The following STX8 variants were observed in gnomAD, a reference collection of about 807,000 sequenced individuals.
STX8 encodes syntaxin-8.
STX8 carries 23 observed loss-of-function variants against 37.5 expected under a neutral mutation model. The ratio of observed to expected loss-of-function variants is 0.61; its 90% CI spans 0.44 to 0.87. The LOEUF (loss-of-function observed/expected upper bound fraction) is 0.87. Among genes scored for constraint, STX8 ranks in the 40% least tolerant of loss-of-function variants. The probability of loss-of-function intolerance (pLI) is 0.00; values close to 1 mark genes in which losing one functional copy is unlikely to be tolerated. For synonymous variants in STX8, 115 were observed against 99.1 expected (o/e 1.16, Z -0.95); for missense variants, 313 against 284.7 (o/e 1.10, Z -0.71).
intron 7 of STX8, among the ~76,000 whole-genome samples, chr17:9,314,683 C>T (rs1489496960): frequency 1.3e-5 from 2 of 149,824 alleles, no homozygotes; most frequent in Non-Finnish European, 3.0e-5. Context: ...GCTGGGATTA[C>T]AGGCATGAGC....
chr17:9,307,359 T>C (rs1269276880), intron 7 of STX8, among the ~76,000 whole-genome samples: 1 of 152,160 alleles, frequency 6.6e-6, no homozygotes, highest in Non-Finnish European at 1.5e-5. Flanking sequence ...GGGGGAGGGC[T>C]GACCCCCACA....
At chr17:9,333,868 G>A (rs1452170438) in intron 7 of STX8, among the ~76,000 whole-genome samples, 1 of 152,108 alleles carries the variant, frequency 6.6e-6, no homozygotes, top group Non-Finnish European at 1.5e-5. Flanking sequence ...CTGCCCAGTG[G>A]GTTCACCTTA....
chr17:9,433,654 CCTTCT>C (rs1914051337), intron 6 of STX8, among the ~76,000 whole-genome samples: 1 of 151,788 alleles, frequency 6.6e-6, no homozygotes, highest in Admixed American at 6.6e-5. Flanking sequence ...AAATGTGGCC[CCTTCT>C]CTTAAGGAAT....
chr17:9,471,030 G>T (rs1186686607), intron 6 of STX8, among the ~76,000 whole-genome samples: 3 of 35,528 alleles, frequency 8.4e-5, no homozygotes, highest in Non-Finnish European at 1.2e-4. Context: ...ACTGCATCCT[G>T]CTTTTTTTTT....
chr17:9,544,715 G>A (rs774037918), intron 4 of STX8, among the ~76,000 whole-genome samples: 3 of 152,128 alleles, frequency 2.0e-5, no homozygotes, highest in Non-Finnish European at 4.4e-5. Context: ...AAAACTGGCC[G>A]GGCGCAGTGG....
intron 6 of STX8, among the ~76,000 whole-genome samples, chr17:9,446,140 TA>T (rs1213828894): frequency 1.3e-5 from 2 of 152,236 alleles, no homozygotes; most frequent in Middle Eastern, 3.4e-3. Context: ...GTGGCCTCCT[TA>T]AAAAATATTT....
chr17:9,358,142 C>T (rs10221216), intron 7 of STX8, among the ~76,000 whole-genome samples: 14,351 of 152,132 alleles, frequency 0.094, 778 homozygotes, highest in Non-Finnish European at 0.11. Flanking sequence ...CGTTTGAAAC[C>T]AGGAGTTCAA....
intron 7 of STX8, among the ~76,000 whole-genome samples, chr17:9,335,667 G>A (rs954117431): frequency 2.0e-5 from 3 of 151,972 alleles, no homozygotes; most frequent in Admixed American, 2.0e-4. Context: ...ACAGTAAATT[G>A]ATTATTTTTT....
At chr17:9,405,482 G>A (rs955505376) in intron 6 of STX8, among the ~76,000 whole-genome samples, 1 of 152,138 alleles carries the variant, frequency 6.6e-6, no homozygotes, top group Non-Finnish European at 1.5e-5. Context: ...TGTTTTCTAG[G>A]CCTTCTTGTA....
chr17:9,552,202 C>T (rs957102423), intron 3 of STX8, among the ~76,000 whole-genome samples: 21 of 152,058 alleles, frequency 1.4e-4, no homozygotes, highest in African/African-American at 4.3e-4. Flanking sequence ...ATTAGCTGGG[C>T]ATGGTGGCAT....
intron 6 of STX8, among the ~76,000 whole-genome samples, chr17:9,446,792 ACT>A (rs982213322): frequency 5.3e-5 from 8 of 152,150 alleles, no homozygotes; most frequent in African/African-American, 1.7e-4. Flanking sequence ...CCGTTTTCCC[ACT>A]GAGAGTGAGA....
intron 2 of STX8, among the ~76,000 whole-genome samples, chr17:9,560,126 G>A (rs1257832710): frequency 1.3e-5 from 2 of 151,298 alleles, no homozygotes; most frequent in African/African-American, 2.4e-5. Flanking sequence ...GAGGCCAGGT[G>A]TGGTGGCTCA....
chr17:9,252,416 A>C lies in STX8; in HGVS notation c.644-1771T>G, dbSNP rs935070938. 6.3e-4 allele frequency among the ~76,000 whole-genome samples: 95 copies of C among 150,802 alleles called. No individual in the cohort carries two copies. In the Middle Eastern group the frequency reaches 0.01, roughly 17 times the overall value. On this transcript the variant is annotated intron_variant, in intron 7 of 7. Coordinates refer to ENST00000306357, the MANE Select transcript of STX8 (RefSeq NM_004853.3). ...CCGAGATTGCGCCACTGCACTCCAA[A>C]CTGGGCAACAGAGCAAGACTCTGTC...
intron 6 of STX8, among the ~76,000 whole-genome samples, chr17:9,400,680 C>T (rs1912580756): frequency 6.6e-6 from 1 of 152,226 alleles, no homozygotes; most frequent in African/African-American, 2.4e-5. Flanking sequence ...GCTGGGATTA[C>T]AGGCGTGAGC....
intron 7 of STX8, among the ~76,000 whole-genome samples, chr17:9,350,526 T>G (rs144609267): frequency 9.3e-5 from 14 of 150,766 alleles, no homozygotes; most frequent in African/African-American, 2.2e-4. Context: ...GTGTTTTTTT[T>G]TTTGTTTTTG....
Position 9,441,302 on chromosome 17 carries a change from C to T in STX8, c.541+50527G>A, listed in dbSNP as rs142016516. Among the ~76,000 whole-genome samples the T allele has an allele frequency of 1.6e-3, 247 of 151,852 alleles. 1 individual carries two copies. The East Asian group carries it at 0.018, about 11-fold the overall frequency. On this transcript the variant is annotated intron_variant, in intron 6 of 7. Transcript: ENST00000306357. ...GTTGGGAGATCAAAACCATCCTGGC[C>T]AACATGATGAAACCCTGTCTCTACT... is the stretch of plus-strand genomic sequence containing the variant.
chr17:9,438,940 AAAC>A (rs1597672711), intron 6 of STX8, among the ~76,000 whole-genome samples: 1 of 152,058 alleles, frequency 6.6e-6, no homozygotes, highest in Non-Finnish European at 1.5e-5. Flanking sequence ...AAAAAACAAA[AAAC>A]AACAACAAAA....
At chr17:9,307,370 T>A (rs929682308) in intron 7 of STX8, among the ~76,000 whole-genome samples, 2 of 152,136 alleles carry the variant, frequency 1.3e-5, no homozygotes, top group Admixed American at 1.3e-4. Flanking sequence ...GACCCCCACA[T>A]GGGGCAACAC....
At chr17:9,430,025 A>AT (rs1913876767) in intron 6 of STX8, among the ~76,000 whole-genome samples, 1 of 31,272 alleles carries the variant, frequency 3.2e-5, no homozygotes, top group East Asian at 5.8e-4. Context: ...TATATTATAT[A>AT]TAATATATTC....
Sources: gnomAD v4.1 joint callset for allele counts (sites outside exome capture counted in the v4.1 genomes callset) on GRCh38, gnomAD v4.1.1 for gene constraint, MANE v1.5 for transcripts, NCBI Gene and HGNC (gene_info 2026-07-23, HGNC 2026-07-21) for gene names.